Variants in NAIP observed in about 807,000 individuals in gnomAD.
The protein encoded by NAIP is baculoviral IAP repeat-containing protein 1.
In NAIP, 15 loss-of-function variants were observed where a neutral mutation model predicts 23.0. The observed-to-expected ratio is 0.65, with a 90% CI of 0.44 to 1.00. NAIP has a LOEUF of 1.00. Ranked by LOEUF, NAIP falls within the 50% of genes least tolerant of loss-of-function variation. The pLI is 0.00. For synonymous variants in NAIP, 100 were observed against 100.2 expected, an observed-to-expected ratio of 1.00 and a Z score of 0.01; for missense variants, 265 against 278.8, an observed-to-expected ratio of 0.95 and a Z score of 0.35.
intron 3 of NAIP, among the ~76,000 whole-genome samples, chr5:71,014,509 T>C (rs1751343608): frequency 6.6e-6 from 1 of 151,698 alleles, no homozygotes; most frequent in Non-Finnish European, 1.5e-5. Context: ...AGCCAGTTAA[T>C]CATCCCTCCC....
At chr5:71,011,719 C>A (rs1453328376) in intron 4 of NAIP, 4 of 450,828 alleles carry the variant, frequency 8.9e-6, no homozygotes, top group South Asian at 2.0e-5. Flanking sequence ...TACGTTTTAG[C>A]CTTGCCATGA....
rs765950937 is a variant in NAIP, at chr5:71,012,331, G to C, written c.568+17C>G. 6.4e-7 allele frequency: 1 copy of C among 1,563,672 alleles called. No individual in the cohort carries two copies. The highest frequency in any genetic ancestry group is 1.4e-5 in the African/African-American group (1 of 72,932). On this transcript the variant is annotated intron_variant, in intron 4 of 16. Transcript: ENST00000517649. ...TAAAACGCCAGAGAAACACTTCAGA[G>C]AATAATTTCAAGGTACCTGTAAAGA...
At chr5:71,011,903 G>GGCGGGGCGTT in intron 4 of NAIP, 1 of 261,372 alleles carries the variant, frequency 3.8e-6, no homozygotes, top group Non-Finnish European at 7.6e-6. Context: ...TTAGAACTCT[G>GGCGGGGCGTT]ATTTATATAT....
rs140388930 is a variant in NAIP at position 71,014,526 on chromosome 5, T to C, written c.-3-1608A>G. 2.5e-3 allele frequency among the ~76,000 whole-genome samples: 380 copies of C among 151,732 alleles called. 11 individuals carry two copies. Among genetic ancestry groups the C allele is most frequent in the African/African-American group, 8.4e-3 (348 of 41,404 alleles). On this transcript the variant is annotated intron_variant, in intron 3 of 16. Transcript: ENST00000517649. ...CCAGTTAATCATCCCTCCCTGGTGG[T>C]TATATGATTAACAAGCACTTCCAAT... is the stretch of plus-strand genomic sequence containing the variant.
At chr5:71,014,602 T>C (rs1751347935) in intron 3 of NAIP, among the ~76,000 whole-genome samples, 1 of 151,720 alleles carries the variant, frequency 6.6e-6, no homozygotes, top group African/African-American at 2.4e-5. Flanking sequence ...TTATCATCAA[T>C]ATAATAAGAC....
Position 71,009,761 on chromosome 5 carries a change from T to C in NAIP, c.668+1514A>G, listed in dbSNP as rs191040659. On this transcript the variant is annotated intron_variant, in intron 5 of 16. Coordinates refer to ENST00000517649, the MANE Select transcript of NAIP (RefSeq NM_004536.3). ...GGAGATGGATGAAATATGATTTGGC[T>C]ATGTGTTGACAAGTATTTATTACAC... Among the ~76,000 whole-genome samples, 273 of 151,704 alleles carry C rather than the reference T, an allele frequency of 1.8e-3. 9 individuals carry two copies. Among genetic ancestry groups the C allele is most frequent in the Admixed American group, 3.4e-3 (52 of 15,216 alleles).
chr5:71,012,860 A>G lies in NAIP; in HGVS notation c.56T>C (p.Leu19Ser). ...CAGAAGAGCAGACAGCTCTGGCAGC[A>G]AATTGTGATCAAACTGGGAGATCCT... ...DERISQFDHN[L>S]LPELSALLGL... Residue 19 changes from leucine (L) to serine (S), a missense_variant, in exon 4 of 17, where the codon TTG becomes TCG. Coordinates refer to ENST00000517649, the MANE Select transcript of NAIP (RefSeq NM_004536.3). 6.2e-7 allele frequency: 1 copy of G among 1,609,566 alleles called. No individual in the cohort carries two copies. Among genetic ancestry groups the G allele is most frequent in the South Asian group, 1.1e-5 (1 of 90,512 alleles).
intron 5 of NAIP, 99 bp downstream of exon 5, chr5:71,011,176 C>A (rs558265653): frequency 1.2e-6 from 1 of 848,014 alleles, no homozygotes. Context: ...GAATTTGCAC[C>A]GAGCTGAAGT....
At chr5:70,973,307 GTCT>G (rs1456740636) in intron 16 of NAIP, among the ~76,000 whole-genome samples, 14 of 121,194 alleles carry the variant, frequency 1.2e-4, no homozygotes, top group African/African-American at 4.1e-4. Flanking sequence ...TTCCTCTCCA[GTCT>G]TCTTCTCACA....
chr5:71,012,528 T>G lies in NAIP; in HGVS notation c.388A>C (p.Lys130Gln). ...FHPDCGFLLN[K>Q]DVGNIAKYDI... ...TACTTGGCAATGTTACCAACATCCTTGTTCAAAAGGAACCCACAATCTGGA... is the reference window on the plus strand; with the variant it reads ...TACTTGGCAATGTTACCAACATCCTGGTTCAAAAGGAACCCACAATCTGGA... The change falls in exon 4 of 17, where the codon AAG becomes CAG. Residue 130 changes from lysine (K) to glutamine (Q), a missense_variant. This residue lies in a region of NAIP where 261 missense variants were observed against 259.2 expected (regional missense o/e 1.01). Coordinates refer to ENST00000517649, the MANE Select transcript of NAIP (RefSeq NM_004536.3). 3 of 1,611,774 alleles carry G rather than the reference T, an allele frequency of 1.9e-6. No homozygotes were observed. Among genetic ancestry groups the G allele is most frequent in the Non-Finnish European group, 2.5e-6 (3 of 1,178,472 alleles).
intron 5 of NAIP, among the ~76,000 whole-genome samples, chr5:71,007,764 GGA>G (rs1750932426): frequency 7.0e-6 from 1 of 143,366 alleles, no homozygotes; most frequent in Admixed American, 7.1e-5. Flanking sequence ...GCTGTGCAGT[GGA>G]GTGATCTTGG....
chr5:71,013,732 G>C (rs999428696), intron 3 of NAIP, among the ~76,000 whole-genome samples: 1 of 151,040 alleles, frequency 6.6e-6, no homozygotes. Context: ...TAACTTTCTA[G>C]TGTCAAATCC....
intron 3 of NAIP, among the ~76,000 whole-genome samples, chr5:71,014,796 A>G (rs1369207105): frequency 6.6e-6 from 1 of 151,270 alleles, no homozygotes. Context: ...CCAGCTACTC[A>G]GGAGGCTGAG....
intron 4 of NAIP, among the ~76,000 whole-genome samples, chr5:71,011,938 A>G (rs1751178722): frequency 6.6e-6 from 1 of 151,526 alleles, no homozygotes; most frequent in Non-Finnish European, 1.5e-5. Flanking sequence ...CGGGGCTAGG[A>G]CAAACAAACA....
At position 71,012,882 on chromosome 5, in the gene NAIP, T is replaced by C; in HGVS notation, c.34A>G (p.Ile12Val). The part of the protein sequence containing the change: ...ATQQKASDER[I>V]SQFDHNLLPE... ...AGCAAATTGTGATCAAACTGGGAGA[T>C]CCTCTCGTCAGAGGCTTTCTGCTGG... The change falls in exon 4 of 17, where the codon ATC (isoleucine) becomes GTC (valine). Residue 12 changes from isoleucine (I) to valine (V), a missense_variant. Coordinates refer to ENST00000517649, the MANE Select transcript of NAIP (RefSeq NM_004536.3). 1 of 1,606,900 alleles carries C rather than the reference T, an allele frequency of 6.2e-7. No individual in the cohort carries two copies. The highest frequency in any genetic ancestry group is 1.3e-5 in the African/African-American group (1 of 74,554).
chr5:71,002,397 A>G (rs1300864651), intron 6 of NAIP, among the ~76,000 whole-genome samples: 25 of 16,774 alleles, frequency 1.5e-3, no homozygotes, highest in African/African-American at 1.8e-3. Flanking sequence ...ACGATGTTGG[A>G]GGTCTTTTTT....
At chr5:70,996,488 AAATT>A (rs1357747413) in intron 9 of NAIP, among the ~76,000 whole-genome samples, 2 of 133,794 alleles carry the variant, frequency 1.5e-5, no homozygotes, top group Non-Finnish European at 1.6e-5. Context: ...ATGTACATAA[AAATT>A]AAGCAGATGG....
intron 12 of NAIP, among the ~76,000 whole-genome samples, chr5:70,980,554 CA>C (rs1300023151): frequency 1.3e-4 from 1 of 7,600 alleles, no homozygotes; most frequent in African/African-American, 7.4e-4. Flanking sequence ...GACTCCGTCT[CA>C]AAAAAAAAAA....
intron 5 of NAIP, among the ~76,000 whole-genome samples, chr5:71,010,266 C>T (rs1181189017): frequency 6.7e-6 from 1 of 149,804 alleles, no homozygotes; most frequent in Non-Finnish European, 1.5e-5. Context: ...CGCCACCATG[C>T]CTGGCTAACT....
Sources: gnomAD v4.1 joint callset for allele counts (sites outside exome capture counted in the v4.1 genomes callset) on GRCh38, gnomAD v4.1.1 for gene constraint, gnomAD v4.1.1 regional missense constraint, MANE v1.5 for transcripts, NCBI Gene and HGNC (gene_info 2026-07-23, HGNC 2026-07-21) for gene names.